PREP: variants seen among roughly 807,000 people sequenced by gnomAD.
PREP encodes the protein prolyl endopeptidase.
PREP carries 29 observed loss-of-function variants against 87.6 expected under a neutral mutation model. That is an observed-to-expected ratio of 0.33 (90% CI 0.25 to 0.45). The LOEUF (loss-of-function observed/expected upper bound fraction) is 0.45. PREP is among the 20% of genes least tolerant of loss of function. PREP has a pLI of 1.00. For synonymous variants in PREP, 337 were observed against 328.6 expected (o/e 1.03, Z -0.28); for missense variants, 695 against 886.5 (o/e 0.78, Z 2.74).
At chr6:105,306,223 T>C (rs1027358361) in intron 10 of PREP, among the ~76,000 whole-genome samples, 3 of 152,088 alleles carry the variant, frequency 2.0e-5, no homozygotes, top group African/African-American at 7.2e-5. Flanking sequence ...TCACGAAAGA[T>C]CTAGAAAAGA....
chr6:105,384,219 G>T (rs1772924978), intron 2 of PREP, among the ~76,000 whole-genome samples: 1 of 152,104 alleles, frequency 6.6e-6, no homozygotes, highest in African/African-American at 2.4e-5. Flanking sequence ...CTCATCTCAG[G>T]GCTTGCTGGC....
At chr6:105,310,759 AG>A (rs1435797363) in intron 10 of PREP, among the ~76,000 whole-genome samples, 1 of 152,206 alleles carries the variant, frequency 6.6e-6, no homozygotes, top group African/African-American at 2.4e-5. Context: ...CCTGGATTTA[AG>A]TAACATATTT....
At chr6:105,286,700 G>T (rs750965781) in intron 11 of PREP, among the ~76,000 whole-genome samples, 8 of 151,844 alleles carry the variant, frequency 5.3e-5, no homozygotes, top group Non-Finnish European at 1.2e-4. Flanking sequence ...AACAGGAAAG[G>T]TCAGATGAAT....
At chr6:105,371,500 C>CAAAAAAAAAAAAAAAAAAAA (rs528772896) in intron 5 of PREP, among the ~76,000 whole-genome samples, 2 of 44,798 alleles carry the variant, frequency 4.5e-5, no homozygotes, top group African/African-American at 1.2e-4. Flanking sequence ...GATTCCATCT[C>CAAAAAAAAAAAAAAAAAAAA]AAAAAAAAAA....
intron 7 of PREP, among the ~76,000 whole-genome samples, chr6:105,347,357 G>A (rs1424094753): frequency 6.6e-6 from 1 of 152,156 alleles, no homozygotes; most frequent in East Asian, 1.9e-4. Flanking sequence ...CTGGCACAGG[G>A]TAGGACATTA....
At chr6:105,367,816 C>A (rs1165349638) in intron 6 of PREP, among the ~76,000 whole-genome samples, 1 of 152,128 alleles carries the variant, frequency 6.6e-6, no homozygotes, top group African/African-American at 2.4e-5. Context: ...GTGAGCCATA[C>A]GGACTTCTGT....
At chr6:105,392,967 G>A (rs947842476) in intron 2 of PREP, among the ~76,000 whole-genome samples, 1 of 152,172 alleles carries the variant, frequency 6.6e-6, no homozygotes, top group Non-Finnish European at 1.5e-5. Flanking sequence ...CCTCTCATGC[G>A]TCTCTAAGCA....
At chr6:105,389,859 A>G (rs1773094552) in intron 2 of PREP, among the ~76,000 whole-genome samples, 1 of 152,176 alleles carries the variant, frequency 6.6e-6, no homozygotes, top group African/African-American at 2.4e-5. Flanking sequence ...CATGCTACAC[A>G]CTTTTAAGGT....
At chr6:105,284,435 C>A (rs1216798426) in intron 12 of PREP, among the ~76,000 whole-genome samples, 2 of 151,604 alleles carry the variant, frequency 1.3e-5, no homozygotes, top group African/African-American at 4.8e-5. Context: ...TGATTTGATG[C>A]AAAAAAAATC....
intron 4 of PREP, among the ~76,000 whole-genome samples, chr6:105,375,667 C>T (rs536891116): frequency 6.6e-6 from 1 of 152,236 alleles, no homozygotes; most frequent in South Asian, 2.1e-4. Flanking sequence ...TGACAATTAA[C>T]TAGATTTTTA....
chr6:105,352,957 GA>G lies in PREP; in HGVS notation c.823+14del, dbSNP rs754251619. The G allele has an allele frequency of 2.5e-6, 4 of 1,595,702 alleles. No individual in the cohort carries two copies. The South Asian group carries it at 4.4e-5, about 18-fold the overall frequency. On this transcript the variant is annotated intron_variant, in intron 7 of 14. Coordinates refer to ENST00000652536, the MANE Select transcript of PREP (RefSeq NM_002726.5). ...TTTCTTGGAATAACTATCTGTGTCTGAAAAAATAACTCACCCGCGATGCCAC... is the reference window on the plus strand; with the variant it reads ...TTTCTTGGAATAACTATCTGTGTCTGAAAAATAACTCACCCGCGATGCCAC...
rs74810300 is a variant in PREP, at chr6:105,317,981, C to A, written c.1317+5684G>T. On this transcript the variant is annotated intron_variant, in intron 10 of 14. Transcript: ENST00000652536. ...ATCTGAAAATTCTATTTTTTAGGAGCCTTCATTTTTCCAATCCTGATCCTG... is the reference window on the plus strand; with the variant it reads ...ATCTGAAAATTCTATTTTTTAGGAGACTTCATTTTTCCAATCCTGATCCTG... Among the ~76,000 whole-genome samples, 72 of 152,188 alleles carry A rather than the reference C, an allele frequency of 4.7e-4. 1 individual carries two copies. In the East Asian group the frequency reaches 0.013, roughly 27 times the overall value.
At chr6:105,385,651 T>C (rs942838678) in intron 2 of PREP, among the ~76,000 whole-genome samples, 7 of 152,218 alleles carry the variant, frequency 4.6e-5, no homozygotes, top group African/African-American at 1.7e-4. Flanking sequence ...TCAAAAACCA[T>C]AATTTCCATA....
intron 10 of PREP, among the ~76,000 whole-genome samples, chr6:105,290,469 T>C (rs1029909205): frequency 1.3e-5 from 2 of 151,802 alleles, no homozygotes; most frequent in African/African-American, 4.8e-5. Flanking sequence ...CAGCTTCTCA[T>C]CTAGTTTCAA....
intron 2 of PREP, among the ~76,000 whole-genome samples, chr6:105,394,883 G>A (rs537182822): frequency 6.6e-6 from 1 of 152,320 alleles, no homozygotes; most frequent in African/African-American, 2.4e-5. Context: ...GAGATTTCAA[G>A]GCTACTGCAA....
chr6:105,277,992 T>C lies in PREP; in HGVS notation c.*152A>G, dbSNP rs895174996. 9.1e-7 allele frequency: 1 copy of C among 1,103,126 alleles called. No homozygotes were observed. Among genetic ancestry groups the C allele is most frequent in the South Asian group, 1.6e-5 (1 of 64,240 alleles). 68.3% of individuals were successfully genotyped at this position (1,103,126 alleles called of 1,614,324 possible). A position where few individuals can be genotyped will look rare whatever the true frequency, so the allele number is the denominator to read the frequency against. ...CTAAAAAGGAGAAGCCTAAAAAAGA[T>C]AAAATTCCCACGGCAGTTCTGTTCA... On this transcript the variant is annotated 3_prime_UTR_variant, in exon 15 of 15. Transcript: ENST00000652536.
chr6:105,395,368 T>C (rs994808838), intron 2 of PREP, among the ~76,000 whole-genome samples: 4 of 152,170 alleles, frequency 2.6e-5, no homozygotes, highest in Admixed American at 1.3e-4. Flanking sequence ...CTACCTGGGT[T>C]ACCCTTGACT....
At chr6:105,322,631 C>T in intron 10 of PREP, 1 of 989,024 alleles carries the variant, frequency 1.0e-6, no homozygotes, top group Non-Finnish European at 1.2e-6. Context: ...GTTGCAACCA[C>T]TCTAAGTGCC....
chr6:105,394,226 A>G (rs1252115594), intron 2 of PREP, among the ~76,000 whole-genome samples: 2 of 152,228 alleles, frequency 1.3e-5, no homozygotes, highest in African/African-American at 2.4e-5. Flanking sequence ...AACTAAAAGT[A>G]GGAATAACAA....
Sources: gnomAD v4.1 joint callset for allele counts (sites outside exome capture counted in the v4.1 genomes callset) on GRCh38, gnomAD v4.1.1 for gene constraint, MANE v1.5 for transcripts, NCBI Gene and HGNC (gene_info 2026-07-23, HGNC 2026-07-21) for gene names.